HYDIN: variants seen among roughly 807,000 people sequenced by gnomAD.
HYDIN encodes the protein HYDIN axonemal central pair apparatus protein, also known as axonemal central pair apparatus protein HYDIN.
In HYDIN, 132 loss-of-function variants were observed where a neutral mutation model predicts 403.9. The observed-to-expected ratio is 0.33, with a 90% CI of 0.28 to 0.38. The LOEUF is 0.38. Ranked by LOEUF, HYDIN falls within the 10% of genes least tolerant of loss-of-function variation. The pLI is 1.00. For synonymous variants in HYDIN, 1,202 were observed against 1,891.7 expected (o/e 0.64, Z 9.46); for missense variants, 2,827 against 5,009.5 (o/e 0.56, Z 13.15).
At position 70,932,030 on chromosome 16, in the gene HYDIN, A is replaced by AAC. The variant is rs1285732137; in HGVS notation, c.7158+3921_7158+3922insGT. On this transcript the variant is annotated intron_variant, in intron 45 of 85. Transcript: ENST00000393567. ...GTATCAAAAAAAAAAAAAAAAAAAA[A>AAC]AAAAAGGTAAAAACAATCCACAAAA... 5.9e-3 allele frequency among the ~76,000 whole-genome samples: 877 copies of AAC among 147,408 alleles called. 19 individuals are homozygous for AAC. The highest frequency in any genetic ancestry group is 0.022 in the African/African-American group (847 of 39,238).
intron 1 of HYDIN, among the ~76,000 whole-genome samples, chr16:71,217,329 T>C (rs542406608): frequency 1.3e-5 from 2 of 152,328 alleles, no homozygotes; most frequent in South Asian, 4.1e-4. Context: ...TCTACATTGA[T>C]GGACCTTTCT....
intron 13 of HYDIN, among the ~76,000 whole-genome samples, chr16:71,078,368 T>C (rs1183781095): frequency 1.3e-5 from 2 of 152,166 alleles, no homozygotes; most frequent in East Asian, 1.9e-4. Context: ...ATAACGTATG[T>C]TTTCCCCCAA....
intron 1 of HYDIN, among the ~76,000 whole-genome samples, chr16:71,226,383 G>GA (rs1023650063): frequency 7.4e-5 from 11 of 149,198 alleles, no homozygotes; most frequent in East Asian, 3.9e-4. Context: ...TCAGCCTTAT[G>GA]AAAAAAAAAC....
chr16:71,230,398 T>C (rs2041227641), intron 1 of HYDIN, among the ~76,000 whole-genome samples, 164 bp downstream of exon 1: 1 of 152,106 alleles, frequency 6.6e-6, no homozygotes, highest in South Asian at 2.1e-4. Flanking sequence ...GTAACTTTCA[T>C]GGGAGTGAGA....
chr16:70,984,002 A>G (rs1160500759), intron 28 of HYDIN, among the ~76,000 whole-genome samples: 1 of 152,198 alleles, frequency 6.6e-6, no homozygotes, highest in Non-Finnish European at 1.5e-5. Context: ...ACATTTTTTC[A>G]TTATTAACTA....
At chr16:70,978,658 T>C (rs1438270721) in intron 30 of HYDIN, among the ~76,000 whole-genome samples, 2 of 152,232 alleles carry the variant, frequency 1.3e-5, no homozygotes, top group African/African-American at 4.8e-5. Flanking sequence ...AAAACCTTAA[T>C]AGATCAGCCA....
intron 36 of HYDIN, among the ~76,000 whole-genome samples, chr16:70,967,628 C>A (rs1198633511): frequency 6.6e-6 from 1 of 152,142 alleles, no homozygotes; most frequent in Non-Finnish European, 1.5e-5. Flanking sequence ...ACTACAGGCG[C>A]CTTCCACCAC....
chr16:71,107,927 T>C (rs2144431432), intron 10 of HYDIN, among the ~76,000 whole-genome samples: 1 of 152,200 alleles, frequency 6.6e-6, no homozygotes, highest in South Asian at 2.1e-4. Flanking sequence ...TAAAAGCCCA[T>C]CAATGGTAGA....
At chr16:70,830,731 C>T (rs1331157610) in intron 80 of HYDIN, among the ~76,000 whole-genome samples, 2 of 152,002 alleles carry the variant, frequency 1.3e-5, no homozygotes, top group Non-Finnish European at 2.9e-5. Flanking sequence ...TGGAAGAAGG[C>T]TCAAGAATGA....
chr16:70,931,978 T>C (rs1029298508), intron 45 of HYDIN, among the ~76,000 whole-genome samples: 14 of 118,398 alleles, frequency 1.2e-4, no homozygotes, highest in African/African-American at 4.3e-4. Context: ...ACCACTGCAC[T>C]GTAGCCTGGG....
In HYDIN at chr16:70,847,001, G is replaced by T. The variant is rs113636481; in HGVS notation, c.12873+2725C>A. Among the ~76,000 whole-genome samples, 1,335 of 142,592 alleles carry T rather than the reference G, an allele frequency of 9.4e-3. 10 individuals carry two copies. The highest frequency in any genetic ancestry group is 0.08 in the Middle Eastern group (23 of 286). 93.5% of individuals were successfully genotyped at this position (142,592 alleles called of 152,430 possible). A position where few individuals can be genotyped will look rare whatever the true frequency, so the allele number is the denominator to read the frequency against. On this transcript the variant is annotated intron_variant, in intron 75 of 85. Transcript: ENST00000393567. ...TGGGTCTTGACTCTTTATCCAATTT[G>T]CCAGTCTGTGTCTTTTAATTGGAGC...
chr16:71,098,543 ATTATT>A (rs1568150665), intron 10 of HYDIN, among the ~76,000 whole-genome samples: 1 of 151,186 alleles, frequency 6.6e-6, no homozygotes, highest in African/African-American at 2.4e-5. Context: ...ACCCTACTCT[ATTATT>A]TTTGAGGTCT....
At chr16:71,204,409 C>T (rs1415633355) in intron 1 of HYDIN, among the ~76,000 whole-genome samples, 1 of 152,218 alleles carries the variant, frequency 6.6e-6, no homozygotes, top group Non-Finnish European at 1.5e-5. Context: ...TCAATCTCCA[C>T]CAGCCATTAG....
At chr16:70,858,798 G>C (rs1375424954) in intron 71 of HYDIN, among the ~76,000 whole-genome samples, 1 of 152,206 alleles carries the variant, frequency 6.6e-6, no homozygotes, top group Non-Finnish European at 1.5e-5. Context: ...CTGGGCTGAA[G>C]TGGGGGCCAT....
intron 73 of HYDIN, among the ~76,000 whole-genome samples, chr16:70,851,218 A>G (rs1311124835): frequency 6.8e-6 from 1 of 147,146 alleles, no homozygotes; most frequent in Non-Finnish European, 1.5e-5. Flanking sequence ...AAAAAAAAAA[A>G]AAAAAAAAAG....
intron 44 of HYDIN, among the ~76,000 whole-genome samples, chr16:70,936,572 G>A (rs2077499301): frequency 7.1e-6 from 1 of 141,672 alleles, no homozygotes; most frequent in Admixed American, 7.2e-5. Context: ...GTCTCGCTCT[G>A]TCACCCAGGC....
chr16:71,175,321 A>C (rs1313537300), intron 5 of HYDIN, among the ~76,000 whole-genome samples: 2 of 151,958 alleles, frequency 1.3e-5, no homozygotes, highest in Non-Finnish European at 2.9e-5. Flanking sequence ...ACCAGTACCA[A>C]CATCAATAAC....
chr16:71,186,690 C>T, intron 2 of HYDIN, 71 bp downstream of exon 2: 1 of 1,239,628 alleles, frequency 8.1e-7, no homozygotes, highest in East Asian at 2.4e-5. Context: ...CTGAGAATGC[C>T]AAGTAGCAAC....
At chr16:71,170,079 G>A (rs1376829478) in intron 5 of HYDIN, among the ~76,000 whole-genome samples, 1 of 152,132 alleles carries the variant, frequency 6.6e-6, no homozygotes, top group Non-Finnish European at 1.5e-5. Context: ...TCTCTACTTG[G>A]TAGCCAGAGT....
Sources: allele counts gnomAD v4.1 joint callset (sites outside exome capture counted in the v4.1 genomes callset), GRCh38; gene constraint gnomAD v4.1.1; transcripts MANE v1.5; gene names NCBI Gene and HGNC (gene_info 2026-07-23, HGNC 2026-07-21).